The following CLIC5 variants were observed in gnomAD, a reference collection of about 807,000 sequenced individuals.
CLIC5 encodes chloride intracellular channel protein 5.
In CLIC5, 20 loss-of-function variants were observed where a neutral mutation model predicts 24.7. The ratio of observed to expected loss-of-function variants is 0.81; its 90% CI spans 0.57 to 1.18. The LOEUF is 1.18. Ranked by LOEUF, CLIC5 falls within the 50% of genes most tolerant of loss-of-function variation. The pLI, the probability that CLIC5 is intolerant of heterozygous loss-of-function variation, is 0.00. For synonymous variants in CLIC5, 159 were observed against 135.6 expected (o/e 1.17, Z -1.20); for missense variants, 341 against 326.1 (o/e 1.05, Z -0.35).
chr6:45,988,574 T>C (rs1257860731), intron 1 of CLIC5, among the ~76,000 whole-genome samples: 1 of 152,200 alleles, frequency 6.6e-6, no homozygotes, highest in African/African-American at 2.4e-5. Flanking sequence ...CTCCAAAGCA[T>C]GAATCCCTGT....
chr6:45,943,983 C>T (rs1420891068), intron 3 of CLIC5, among the ~76,000 whole-genome samples: 1 of 152,140 alleles, frequency 6.6e-6, no homozygotes, highest in Non-Finnish European at 1.5e-5. Context: ...ATATTTATGG[C>T]GTGTTTTAAA....
At chr6:45,992,075 C>T (rs1401532677) in intron 1 of CLIC5, among the ~76,000 whole-genome samples, 1 of 152,152 alleles carries the variant, frequency 6.6e-6, no homozygotes, top group Non-Finnish European at 1.5e-5. Flanking sequence ...AAAGTTGTAT[C>T]AAGAGTTCCA....
rs181307300 is a variant in CLIC5 at position 45,907,318 on chromosome 6, C to T, written c.589-4063G>A. ...TTTGTTTTTAATTCTGTTTATGTGG[C>T]GAATAACATTTATTGATTTGTGTAT... On this transcript the variant is annotated intron_variant, in intron 5 of 5. Coordinates refer to ENST00000339561, the MANE Select transcript of CLIC5 (RefSeq NM_016929.5). Among the ~76,000 whole-genome samples the T allele has an allele frequency of 5.8e-3, 878 of 152,072 alleles. 19 individuals are homozygous for T. Among genetic ancestry groups the T allele is most frequent in the Admixed American group, 0.053 (804 of 15,282 alleles).
At chr6:46,038,881 A>G (rs569849201) in intron 1 of CLIC5, among the ~76,000 whole-genome samples, 4 of 152,336 alleles carry the variant, frequency 2.6e-5, no homozygotes, top group African/African-American at 7.2e-5. Context: ...ATGAGTTGGG[A>G]AAAGATAAAT....
At chr6:46,060,590 G>A (rs35666540) in intron 1 of CLIC5, among the ~76,000 whole-genome samples, 6,904 of 152,144 alleles carry the variant, frequency 0.045, 229 homozygotes, top group East Asian at 0.14. Flanking sequence ...GAACCCACAC[G>A]CTCTTGCTTG....
At chr6:45,978,424 T>C (rs1765457971) in intron 1 of CLIC5, among the ~76,000 whole-genome samples, 1 of 152,234 alleles carries the variant, frequency 6.6e-6, no homozygotes. Flanking sequence ...ATATTTTAAA[T>C]ATTTCAGTGA....
intron 1 of CLIC5, among the ~76,000 whole-genome samples, chr6:45,992,824 G>C (rs1765989982): frequency 6.6e-6 from 1 of 152,102 alleles, no homozygotes; most frequent in African/African-American, 2.4e-5. Context: ...TATATAAAAA[G>C]AGTGTAATTT....
chr6:46,007,199 T>G (rs949689353), intron 1 of CLIC5, among the ~76,000 whole-genome samples: 1 of 152,232 alleles, frequency 6.6e-6, no homozygotes, highest in Non-Finnish European at 1.5e-5. Flanking sequence ...CAAACGATTT[T>G]AATGAACAGC....
the CLIC5 span, among the ~76,000 whole-genome samples, chr6:46,109,504 A>G: frequency 7.7e-6 from 1 of 130,642 alleles, no homozygotes; most frequent in Non-Finnish European, 1.6e-5. Context: ...ATGGTGAAAC[A>G]GTCTCCACTA....
the CLIC5 span, among the ~76,000 whole-genome samples, chr6:46,085,367 C>T: frequency 6.6e-6 from 1 of 152,170 alleles, no homozygotes; most frequent in African/African-American, 2.4e-5. Context: ...TTAGAGTTTC[C>T]AGTTTTTCTG....
At chr6:45,940,919 G>C (rs757901169) in intron 4 of CLIC5, among the ~76,000 whole-genome samples, 21 of 152,314 alleles carry the variant, frequency 1.4e-4, no homozygotes, top group Admixed American at 9.2e-4. Context: ...AACTGGGGGG[G>C]ACTCAGCTCC....
intron 6 of CLIC5, among the ~76,000 whole-genome samples, chr6:45,884,264 A>G (rs1189490306): frequency 6.6e-6 from 1 of 152,196 alleles, no homozygotes; most frequent in Admixed American, 6.5e-5. Context: ...ATAGGCATCT[A>G]AAAGTGTCCC....
At chr6:45,985,661 C>T (rs939945575) in intron 1 of CLIC5, among the ~76,000 whole-genome samples, 8 of 152,128 alleles carry the variant, frequency 5.3e-5, no homozygotes, top group East Asian at 3.9e-4. Flanking sequence ...TCCTAATGCA[C>T]GCGAAGTTGG....
intron 1 of CLIC5, among the ~76,000 whole-genome samples, chr6:45,984,788 T>C (rs193027026): frequency 2.9e-4 from 44 of 152,334 alleles, no homozygotes; most frequent in Admixed American, 6.5e-4. Context: ...GAAGAATTCA[T>C]TGAGGTTTCC....
chr6:45,938,043 G>A lies in CLIC5; in HGVS notation c.406+3504C>T, dbSNP rs9472617. Among the ~76,000 whole-genome samples, 441 of 152,312 alleles carry A rather than the reference G, an allele frequency of 2.9e-3. 1 individual carries two copies. The highest frequency in any genetic ancestry group is 0.01 in the African/African-American group (422 of 41,556). On this transcript the variant is annotated intron_variant, in intron 4 of 5. Transcript: ENST00000339561. ...AGAGGGGAGGGAGGGCTCTGCTCAA[G>A]AGAAAGTAAATGAAAATACAAGAGA... is the stretch of plus-strand genomic sequence containing the variant.
intron 1 of CLIC5, among the ~76,000 whole-genome samples, chr6:46,032,452 T>C (rs1433934150): frequency 6.6e-6 from 1 of 152,186 alleles, no homozygotes; most frequent in Non-Finnish European, 1.5e-5. Context: ...AGCTTTTACT[T>C]TATGCATTTT....
chr6:45,950,200 C>A (rs559358983), intron 2 of CLIC5, among the ~76,000 whole-genome samples: 2 of 152,164 alleles, frequency 1.3e-5, no homozygotes, highest in East Asian at 1.9e-4. Context: ...GGAAAGGACC[C>A]AGAACCATGC....
chr6:46,102,610 C>T, the CLIC5 span: 1 of 152,634 alleles, frequency 6.6e-6, no homozygotes, highest in African/African-American at 2.4e-5. Flanking sequence ...ATTTTCTGAG[C>T]TTCAGTGTAA....
At chr6:45,989,361 C>T (rs774454269) in intron 1 of CLIC5, among the ~76,000 whole-genome samples, 4 of 152,084 alleles carry the variant, frequency 2.6e-5, no homozygotes, top group African/African-American at 7.2e-5. Context: ...GATATTATCT[C>T]TGTAAAAAAG....
Sources: allele counts gnomAD v4.1 joint callset (sites outside exome capture counted in the v4.1 genomes callset), GRCh38; gene constraint gnomAD v4.1.1; transcripts MANE v1.5; gene names NCBI Gene and HGNC (gene_info 2026-07-23, HGNC 2026-07-21).